SLIT2: variants seen among roughly 807,000 people sequenced by gnomAD.
The protein encoded by SLIT2 is slit guidance ligand 2.
Under a neutral mutation model 185.7 loss-of-function variants are expected in SLIT2, and 41 were observed. The ratio of observed to expected loss-of-function variants is 0.22; its 90% CI spans 0.17 to 0.29. SLIT2 has a LOEUF of 0.29. Ranked by LOEUF, SLIT2 falls within the 10% of genes least tolerant of loss-of-function variation. The pLI is 1.00. For synonymous variants in SLIT2, 693 were observed against 680.2 expected (o/e 1.02, Z -0.29); for missense variants, 1,571 against 1,909.0 (o/e 0.82, Z 3.30).
chr4:20,565,825 A>G (rs1469812482), intron 26 of SLIT2, among the ~76,000 whole-genome samples: 1 of 152,024 alleles, frequency 6.6e-6, no homozygotes, highest in Non-Finnish European at 1.5e-5. Context: ...AACAATTTCT[A>G]TGTGGATACA....
intron 33 of SLIT2, among the ~76,000 whole-genome samples, chr4:20,602,054 A>G (rs1728450298): frequency 6.6e-6 from 1 of 152,172 alleles, no homozygotes; most frequent in African/African-American, 2.4e-5. Flanking sequence ...AAGTAATAAT[A>G]CACTTATTAA....
At chr4:20,388,339 C>A (rs1725096469) in intron 4 of SLIT2, among the ~76,000 whole-genome samples, 1 of 151,986 alleles carries the variant, frequency 6.6e-6, no homozygotes, top group South Asian at 2.1e-4. Flanking sequence ...AAAGAATCTG[C>A]AAAACTCACA....
chr4:20,550,778 A>C (rs367726605), intron 24 of SLIT2, 49 bp from the exon 25 acceptor site: 4 of 1,139,992 alleles, frequency 3.5e-6, no homozygotes, highest in Non-Finnish European at 5.2e-6. Flanking sequence ...TCTGGAGTCT[A>C]TGAGTTCAGA....
At chr4:20,533,812 C>A in intron 18 of SLIT2, 97 bp downstream of exon 18, 1 of 978,842 alleles carries the variant, frequency 1.0e-6, no homozygotes, top group Non-Finnish European at 1.6e-6. Context: ...CTTTTACCCA[C>A]CCCACTCCCT....
intron 33 of SLIT2, 41 bp from the exon 34 acceptor site, chr4:20,609,972 A>G: frequency 6.4e-7 from 1 of 1,558,484 alleles, no homozygotes; most frequent in South Asian, 1.2e-5. Context: ...GCTTTAATGA[A>G]AAGAAAATGG....
At chr4:20,372,096 T>A (rs1020827834) in intron 4 of SLIT2, among the ~76,000 whole-genome samples, 1 of 152,158 alleles carries the variant, frequency 6.6e-6, no homozygotes, top group Non-Finnish European at 1.5e-5. Flanking sequence ...CTTTTAGAGT[T>A]TAACATCTTA....
Position 20,335,780 on chromosome 4 carries a change from A to G in SLIT2, c.395+66899A>G, listed in dbSNP as rs148771323. 1.5e-3 allele frequency among the ~76,000 whole-genome samples: 222 copies of G among 152,294 alleles called. 1 individual carries two copies. Among genetic ancestry groups the G allele is most frequent in the African/African-American group, 5.1e-3 (210 of 41,566 alleles). ...GCTATAACCATCAGATGGAAAAATC[A>G]GAGAAATATTACTGTCTAAGGACTC... is the stretch of plus-strand genomic sequence containing the variant. On this transcript the variant is annotated intron_variant, in intron 4 of 36. Coordinates refer to ENST00000504154, the MANE Select transcript of SLIT2 (RefSeq NM_004787.4).
chr4:20,400,338 A>G (rs968848620), intron 4 of SLIT2, among the ~76,000 whole-genome samples: 1 of 151,664 alleles, frequency 6.6e-6, no homozygotes, highest in East Asian at 1.9e-4. Flanking sequence ...GCATAGAAGG[A>G]TGGCCATAGA....
chr4:20,300,950 T>TAAA (rs977489878), intron 4 of SLIT2, among the ~76,000 whole-genome samples: 1 of 152,114 alleles, frequency 6.6e-6, no homozygotes, highest in Non-Finnish European at 1.5e-5. Context: ...TTTCTAATTT[T>TAAA]AAAAAGTAAT....
chr4:20,426,207 C>A (rs759316214), intron 4 of SLIT2, among the ~76,000 whole-genome samples: 1 of 152,024 alleles, frequency 6.6e-6, no homozygotes, highest in Non-Finnish European at 1.5e-5. Flanking sequence ...ACCTGGAATG[C>A]GGAGGCAGTA....
chr4:20,449,632 C>G (rs1440641208), intron 4 of SLIT2, among the ~76,000 whole-genome samples: 1 of 152,120 alleles, frequency 6.6e-6, no homozygotes, highest in African/African-American at 2.4e-5. Flanking sequence ...TGGTCTCAAA[C>G]TCCTGACCTC....
intron 4 of SLIT2, among the ~76,000 whole-genome samples, chr4:20,439,786 T>A (rs192621353): frequency 1.3e-5 from 2 of 152,264 alleles, no homozygotes; most frequent in African/African-American, 4.8e-5. Flanking sequence ...CGTACAAAGA[T>A]TTAGTAATAT....
intron 2 of SLIT2, among the ~76,000 whole-genome samples, chr4:20,257,409 T>G (rs1711961116): frequency 6.6e-6 from 1 of 152,052 alleles, no homozygotes; most frequent in Non-Finnish European, 1.5e-5. Flanking sequence ...TTTTGACCAT[T>G]GTGCATTCAG....
chr4:20,359,578 A>G (rs1207869127), intron 4 of SLIT2, among the ~76,000 whole-genome samples: 3 of 152,064 alleles, frequency 2.0e-5, no homozygotes, highest in Admixed American at 6.6e-5. Context: ...ACCTTTGTCT[A>G]GGGATCTTAG....
chr4:20,463,239 C>T (rs1713919092), intron 4 of SLIT2, among the ~76,000 whole-genome samples: 1 of 151,740 alleles, frequency 6.6e-6, no homozygotes, highest in South Asian at 2.1e-4. Context: ...CCACCTCCCA[C>T]CTCTTTCCCC....
chr4:20,527,668 G>A (rs541370471), intron 15 of SLIT2, among the ~76,000 whole-genome samples: 34 of 152,066 alleles, frequency 2.2e-4, no homozygotes, highest in Non-Finnish European at 3.5e-4. Flanking sequence ...TGAGACCACC[G>A]TGCTTCAAAA....
intron 25 of SLIT2, chr4:20,552,822 G>A (rs1039687929): frequency 2.0e-5 from 3 of 152,148 alleles, no homozygotes; most frequent in African/African-American, 7.2e-5. Context: ...GTTTTTAAAT[G>A]CCATTGTATG....
chr4:20,484,468 C>T lies in SLIT2; in HGVS notation c.540-1732C>T, dbSNP rs1560465498. 6.6e-6 allele frequency among the ~76,000 whole-genome samples: 1 copy of T among 152,066 alleles called. No homozygotes were observed. Among genetic ancestry groups the T allele is most frequent in the East Asian group, 1.9e-4 (1 of 5,182 alleles). ...GTGGTTTATTTTTTGTGACTTAATTCAAATGACTTAGAATAGTTCTTATAT... is the reference window on the plus strand; with the variant it reads ...GTGGTTTATTTTTTGTGACTTAATTTAAATGACTTAGAATAGTTCTTATAT... On this transcript the variant is annotated intron_variant, in intron 6 of 36. Transcript: ENST00000504154. This position sits in a 1 kb window ranked among gnomAD's most constrained non-coding sequence, Gnocchi z 4.3.
chr4:20,286,594 A>G (rs1167654876), intron 4 of SLIT2, among the ~76,000 whole-genome samples: 1 of 152,146 alleles, frequency 6.6e-6, no homozygotes, highest in African/African-American at 2.4e-5. Context: ...TGAAGTCAGG[A>G]GTTCGAGACC....
Sources: gnomAD v4.1 joint callset for allele counts (sites outside exome capture counted in the v4.1 genomes callset) on GRCh38, gnomAD v4.1.1 for gene constraint, Gnocchi (gnomAD v3.1) non-coding constraint, MANE v1.5 for transcripts, NCBI Gene and HGNC (gene_info 2026-07-23, HGNC 2026-07-21) for gene names.